The following KCNIP4 variants were observed in gnomAD, a reference collection of about 807,000 sequenced individuals.
KCNIP4 encodes the protein potassium voltage-gated channel interacting protein 4.
In KCNIP4, 12 loss-of-function variants were observed where a neutral mutation model predicts 34.0. That is an observed-to-expected ratio of 0.35 (90% CI 0.23 to 0.57). The LOEUF is 0.57. KCNIP4 is among the 20% of genes least tolerant of loss of function. The pLI, the probability that KCNIP4 is intolerant of heterozygous loss-of-function variation, is 0.83. For missense variants in KCNIP4, 238 were observed against 311.7 expected (o/e 0.76, Z 1.78); for synonymous variants, 124 against 102.2 (o/e 1.21, Z -1.29).
At chr4:21,615,986 C>A (rs1018362015) in intron 1 of KCNIP4, among the ~76,000 whole-genome samples, 16 of 152,168 alleles carry the variant, frequency 1.1e-4, no homozygotes, top group Admixed American at 9.8e-4. Flanking sequence ...AACACAGAAA[C>A]AAATGTGATT....
At chr4:21,108,349 C>A (rs1034326506) in intron 1 of KCNIP4, among the ~76,000 whole-genome samples, 1 of 150,172 alleles carries the variant, frequency 6.7e-6, no homozygotes, top group Non-Finnish European at 1.5e-5. Context: ...TCATTCATTT[C>A]ATCTTCCATC....
At chr4:20,891,085 C>A (rs890920036) in intron 1 of KCNIP4, among the ~76,000 whole-genome samples, 35 of 152,296 alleles carry the variant, frequency 2.3e-4, no homozygotes, top group African/African-American at 7.5e-4. Context: ...TCTTATCTTC[C>A]TCCTTTTTGC....
chr4:21,821,547 T>C (rs1435183918), intron 1 of KCNIP4, among the ~76,000 whole-genome samples: 1 of 152,166 alleles, frequency 6.6e-6, no homozygotes, highest in Non-Finnish European at 1.5e-5. Flanking sequence ...TATGGAATTT[T>C]AAAATTTGTC....
At chr4:21,460,371 C>T (rs568562001) in intron 1 of KCNIP4, among the ~76,000 whole-genome samples, 1 of 152,166 alleles carries the variant, frequency 6.6e-6, no homozygotes, top group South Asian at 2.1e-4. Flanking sequence ...TCCACATTTG[C>T]TTGTCTCCAT....
At chr4:21,576,043 G>GT (rs1157601018) in intron 1 of KCNIP4, among the ~76,000 whole-genome samples, 2 of 152,264 alleles carry the variant, frequency 1.3e-5, no homozygotes, top group East Asian at 3.9e-4. Flanking sequence ...AAACTATTTG[G>GT]TTAAACAACT....
At chr4:20,882,587 A>G in intron 2 of KCNIP4, 21 bp downstream of exon 2, 1 of 1,585,014 alleles carries the variant, frequency 6.3e-7, no homozygotes, top group Non-Finnish European at 8.6e-7. Context: ...AGGAAAAAAA[A>G]AAACAAAAAA....
chr4:20,940,664 A>G (rs532580573), intron 1 of KCNIP4, among the ~76,000 whole-genome samples: 1 of 152,278 alleles, frequency 6.6e-6, no homozygotes, highest in East Asian at 1.9e-4. Flanking sequence ...CTTAGAAAAT[A>G]ACTTATTTGG....
intron 1 of KCNIP4, among the ~76,000 whole-genome samples, chr4:21,841,186 C>T (rs941057141): frequency 8.5e-5 from 13 of 152,246 alleles, no homozygotes; most frequent in African/African-American, 3.1e-4. Context: ...TCTCATAATG[C>T]TTATGAACTA....
intron 1 of KCNIP4, among the ~76,000 whole-genome samples, chr4:21,088,796 C>A (rs1281743626): frequency 1.3e-5 from 2 of 152,120 alleles, no homozygotes; most frequent in African/African-American, 4.8e-5. Flanking sequence ...CCGCCCATAT[C>A]AAACTGCACT....
At chr4:21,446,003 G>A (rs1727953012) in intron 1 of KCNIP4, among the ~76,000 whole-genome samples, 1 of 152,154 alleles carries the variant, frequency 6.6e-6, no homozygotes. Flanking sequence ...CATTTATGCA[G>A]CCAACAGACA....
At chr4:20,970,034 C>T (rs929358560) in intron 1 of KCNIP4, among the ~76,000 whole-genome samples, 8 of 151,992 alleles carry the variant, frequency 5.3e-5, no homozygotes, top group Admixed American at 2.0e-4. Context: ...CTCTGCCTCC[C>T]GGGTTCACTC....
At chr4:20,798,008 C>A (rs1362959217) in intron 3 of KCNIP4, among the ~76,000 whole-genome samples, 1 of 152,188 alleles carries the variant, frequency 6.6e-6, no homozygotes, top group African/African-American at 2.4e-5. Flanking sequence ...TGCTACGCAG[C>A]AATAGAAAAC....
intron 1 of KCNIP4, among the ~76,000 whole-genome samples, chr4:21,866,992 C>T (rs926261970): frequency 2.6e-5 from 4 of 151,946 alleles, no homozygotes; most frequent in Non-Finnish European, 4.4e-5. Context: ...AGGATGGTCT[C>T]GATCTCCTGA....
chr4:21,194,266 A>C (rs971717425), intron 1 of KCNIP4, among the ~76,000 whole-genome samples: 7 of 152,188 alleles, frequency 4.6e-5, no homozygotes, highest in African/African-American at 7.2e-5. Context: ...GTTCAATGAA[A>C]AATGTTTGCC....
intron 1 of KCNIP4, among the ~76,000 whole-genome samples, chr4:20,887,756 T>C (rs1168418783): frequency 1.3e-5 from 2 of 152,098 alleles, no homozygotes; most frequent in African/African-American, 4.8e-5. Context: ...GTCCTCAGGC[T>C]GAGGTTAATT....
At chr4:21,072,201 C>A (rs535970969) in intron 1 of KCNIP4, among the ~76,000 whole-genome samples, 25 of 152,274 alleles carry the variant, frequency 1.6e-4, no homozygotes, top group Non-Finnish European at 2.8e-4. Context: ...AGTTCTAGAT[C>A]CTTGAGGAAT....
chr4:21,348,797 T>A (rs769917825), intron 1 of KCNIP4, among the ~76,000 whole-genome samples: 1 of 152,190 alleles, frequency 6.6e-6, no homozygotes. Context: ...ATCTGGCCTA[T>A]GCTAGGAGCC....
At chr4:21,857,118 C>T (rs754509867) in intron 1 of KCNIP4, among the ~76,000 whole-genome samples, 1 of 152,220 alleles carries the variant, frequency 6.6e-6, no homozygotes, top group African/African-American at 2.4e-5. Flanking sequence ...GGCAAGGCTA[C>T]CAGTTCTGCA....
chr4:21,576,412 A>G (rs1278477841), intron 1 of KCNIP4, among the ~76,000 whole-genome samples: 1 of 152,178 alleles, frequency 6.6e-6, no homozygotes, highest in Non-Finnish European at 1.5e-5. Context: ...TTTTCTGCTA[A>G]TGCCGAAAAA....
Sources: gnomAD v4.1 joint callset for allele counts (sites outside exome capture counted in the v4.1 genomes callset) on GRCh38, gnomAD v4.1.1 for gene constraint, MANE v1.5 for transcripts, NCBI Gene and HGNC (gene_info 2026-07-23, HGNC 2026-07-21) for gene names.